Variants in SULF1 observed in about 807,000 individuals in gnomAD.
The protein encoded by SULF1 is extracellular sulfatase Sulf-1.
A neutral mutation model predicts 110.5 loss-of-function variants in SULF1; 46 were observed. The observed-to-expected ratio is 0.42, with a 90% CI of 0.33 to 0.53. SULF1 has a LOEUF of 0.53. Ranked by LOEUF, SULF1 falls within the 20% of genes least tolerant of loss-of-function variation. SULF1 has a pLI of 0.12. For missense variants in SULF1, 941 were observed against 1,094.2 expected, an observed-to-expected ratio of 0.86 and a Z score of 1.98; for synonymous variants, 371 against 387.1, an observed-to-expected ratio of 0.96 and a Z score of 0.49.
rs367757168 is a variant in SULF1, at chr8:69,523,664, T to C, written c.-134+21696T>C. ...TTTACAAAGGACTGATGATAATGACTGTCGGTGGAATTATAATTCACTACC... is the reference window on the plus strand; with the variant it reads ...TTTACAAAGGACTGATGATAATGACCGTCGGTGGAATTATAATTCACTACC... On this transcript the variant is annotated intron_variant, in intron 3 of 22. Coordinates refer to ENST00000402687, the MANE Select transcript of SULF1 (RefSeq NM_001128205.2). Among the ~76,000 whole-genome samples, 18 of 152,068 alleles carry C rather than the reference T, an allele frequency of 1.2e-4. No individual in the cohort carries two copies. In the South Asian group the frequency reaches 3.7e-3, roughly 32 times the overall value.
chr8:69,576,021 C>T lies in SULF1; in HGVS notation c.224C>T (p.Ala75Val). The change falls in exon 6 of 23, where the codon GCC becomes GTC. Residue 75 changes from alanine to valine, a missense_variant. Around this residue, in one of 3 missense-constraint regions of SULF1, gnomAD observed 822 missense variants for 934.3 expected, o/e 0.88. Transcript: ENST00000402687. Reference protein sequence around the residue: ...KTRKIMEHGGATFINAFVTTP... With the variant: ...KTRKIMEHGGVTFINAFVTTP... ...AGAAAGATTATGGAACATGGGGGGG[C>T]CACCTTCATCAATGCCTTTGTGACT... The T allele has an allele frequency of 1.2e-6, 2 of 1,614,094 alleles. No individual in the cohort carries two copies. Among genetic ancestry groups the T allele is most frequent in the East Asian group, 4.5e-5 (2 of 44,868 alleles).
intron 13 of SULF1, among the ~76,000 whole-genome samples, chr8:69,607,272 T>C (rs1317425816): frequency 6.6e-6 from 1 of 152,208 alleles, no homozygotes; most frequent in East Asian, 1.9e-4. Flanking sequence ...AAACCATAGC[T>C]TAGGAATCTA....
chr8:69,467,088 C>G (rs955732223), intron 1 of SULF1: 3 of 152,136 alleles, frequency 2.0e-5, no homozygotes, highest in African/African-American at 4.8e-5. Context: ...TGACAGATGA[C>G]GGTGAGCATA....
chr8:69,658,012 A>T (rs927754865), intron 22 of SULF1, among the ~76,000 whole-genome samples: 1 of 152,228 alleles, frequency 6.6e-6, no homozygotes, highest in Non-Finnish European at 1.5e-5. Flanking sequence ...TTTTATACTG[A>T]GTGTTAGGGA....
intron 22 of SULF1, among the ~76,000 whole-genome samples, chr8:69,642,006 C>T (rs1429128065): frequency 6.6e-6 from 1 of 152,076 alleles, no homozygotes; most frequent in African/African-American, 2.4e-5. Flanking sequence ...AGCAGCTGGG[C>T]ACTGTCCTTA....
At chr8:69,600,105 G>A (rs1399593216) in intron 8 of SULF1, among the ~76,000 whole-genome samples, 1 of 152,008 alleles carries the variant, frequency 6.6e-6, no homozygotes, top group Admixed American at 6.6e-5. Flanking sequence ...AGATATGTAA[G>A]TAATCAATAA....
intron 14 of SULF1, among the ~76,000 whole-genome samples, chr8:69,623,606 C>A (rs1269988390): frequency 6.6e-6 from 1 of 152,160 alleles, no homozygotes; most frequent in Non-Finnish European, 1.5e-5. Context: ...CATTGAAAAC[C>A]AAATGTAGAA....
chr8:69,513,032 G>A lies in SULF1; in HGVS notation c.-134+11064G>A, dbSNP rs192802737. On this transcript the variant is annotated intron_variant, in intron 3 of 22. Coordinates refer to ENST00000402687, the MANE Select transcript of SULF1 (RefSeq NM_001128205.2). Reference sequence around the variant, plus strand: ...ACCCTACTGTCATTTATATATCTGTGTTTCACATTAGATTCTGTGTGTTTT... The same window carrying A: ...ACCCTACTGTCATTTATATATCTGTATTTCACATTAGATTCTGTGTGTTTT... Among the ~76,000 whole-genome samples the A allele has an allele frequency of 2.6e-5, 4 of 152,090 alleles. No individual in the cohort carries two copies. In the East Asian group the frequency reaches 7.7e-4, roughly 29 times the overall value.
At position 69,628,395 on chromosome 8, in the gene SULF1, C is replaced by T. The variant is rs3824265; in HGVS notation, c.2108+159C>T. Among the ~76,000 whole-genome samples the T allele has an allele frequency of 2.6e-3, 396 of 152,212 alleles. 1 individual carries two copies. Among genetic ancestry groups the T allele is most frequent in the East Asian group, 8.5e-3 (44 of 5,172 alleles). ...TAGCTCATGAAGTTGAAAGCAAAGC[C>T]CCACCTCACCAAGGGACCGTGGCAA... On this transcript the variant is annotated intron_variant, in intron 18 of 22. Transcript: ENST00000402687.
intron 19 of SULF1, among the ~76,000 whole-genome samples, chr8:69,631,619 C>T (rs1441348066): frequency 6.6e-6 from 1 of 152,226 alleles, no homozygotes; most frequent in Non-Finnish European, 1.5e-5. Flanking sequence ...TGCTCCTATC[C>T]AATCTTACAC....
chr8:69,469,494 G>A (rs142622407), intron 1 of SULF1: 2 of 152,304 alleles, frequency 1.3e-5, no homozygotes, highest in East Asian at 3.9e-4. Context: ...AAATACATTA[G>A]TCCAGGTATT....
At chr8:69,633,960 C>T (rs1353877951) in intron 19 of SULF1, among the ~76,000 whole-genome samples, 1 of 152,090 alleles carries the variant, frequency 6.6e-6, no homozygotes, top group Non-Finnish European at 1.5e-5. Flanking sequence ...AAGATTTCTA[C>T]ACAGATTAGA....
intron 6 of SULF1, among the ~76,000 whole-genome samples, chr8:69,582,810 C>G (rs181853261): frequency 6.6e-6 from 1 of 151,976 alleles, no homozygotes; most frequent in Non-Finnish European, 1.5e-5. Flanking sequence ...CGCTTTTGAA[C>G]GTTAGTGGGG....
intron 3 of SULF1, among the ~76,000 whole-genome samples, chr8:69,545,555 G>T (rs1224884387): frequency 6.6e-6 from 1 of 152,176 alleles, no homozygotes; most frequent in Non-Finnish European, 1.5e-5. Context: ...CATTCCATCT[G>T]TGAGAACTTC....
At chr8:69,507,337 A>G (rs942280384) in intron 3 of SULF1, among the ~76,000 whole-genome samples, 3 of 152,186 alleles carry the variant, frequency 2.0e-5, no homozygotes, top group African/African-American at 7.2e-5. Context: ...GTGCTAGAGA[A>G]TTTGTAGGGC....
At chr8:69,548,469 G>A (rs1235020439) in intron 3 of SULF1, among the ~76,000 whole-genome samples, 2 of 142,944 alleles carry the variant, frequency 1.4e-5, no homozygotes, top group Non-Finnish European at 3.0e-5. Context: ...TTTTTTTGAT[G>A]GAGTCTCACT....
chr8:69,566,998 T>C (rs186198258), intron 5 of SULF1, among the ~76,000 whole-genome samples: 73 of 152,312 alleles, frequency 4.8e-4, no homozygotes, highest in Admixed American at 9.8e-4. Flanking sequence ...CCCAGACCTG[T>C]ATTAGATCTG....
chr8:69,563,428 T>C (rs1455013065), intron 3 of SULF1, 111 bp from the exon 4 acceptor site: 1 of 152,328 alleles, frequency 6.6e-6, no homozygotes, highest in Non-Finnish European at 1.5e-5. Flanking sequence ...AAAAAATATA[T>C]GTAATATATA....
chr8:69,641,570 TA>T (rs930457906), intron 22 of SULF1, among the ~76,000 whole-genome samples: 9 of 151,670 alleles, frequency 5.9e-5, no homozygotes, highest in Admixed American at 2.6e-4. Context: ...CAAAGTGAGA[TA>T]AAAAAAAATT....
Sources: allele counts gnomAD v4.1 joint callset (sites outside exome capture counted in the v4.1 genomes callset), GRCh38; gene constraint gnomAD v4.1.1; regional missense constraint gnomAD v4.1.1; transcripts MANE v1.5; gene names NCBI Gene and HGNC (gene_info 2026-07-23, HGNC 2026-07-21).